Variants in SEPTIN11 observed in about 807,000 individuals in gnomAD.
SEPTIN11 encodes the protein septin 11.
In SEPTIN11, 25 loss-of-function variants were observed where a neutral mutation model predicts 51.4. That is an observed-to-expected ratio of 0.49 (90% CI 0.35 to 0.68). The LOEUF is 0.68. Among genes scored for constraint, SEPTIN11 ranks in the 30% least tolerant of loss-of-function variants. SEPTIN11 has a pLI of 0.00. For missense variants in SEPTIN11, 381 were observed against 520.8 expected, an observed-to-expected ratio of 0.73 and a Z score of 2.61; for synonymous variants, 174 against 184.1, an observed-to-expected ratio of 0.95 and a Z score of 0.44.
chr4:76,964,121 A>G (rs1350502289), intron 1 of SEPTIN11, among the ~76,000 whole-genome samples: 1 of 152,162 alleles, frequency 6.6e-6, no homozygotes, highest in Admixed American at 6.5e-5. Context: ...TGTCCCTACA[A>G]AGGACATGAA....
Position 76,949,948 on chromosome 4 carries a change from G to A in SEPTIN11, c.27+18G>A. Reference sequence around the variant, plus strand: ...GACCGTCTGTGAGTGCTGGGGCCTCGCCTGCTGCTCCTCGGGCGCCGGGTG... The same window carrying A: ...GACCGTCTGTGAGTGCTGGGGCCTCACCTGCTGCTCCTCGGGCGCCGGGTG... On this transcript the variant is annotated intron_variant, in intron 1 of 9. Transcript: ENST00000264893. 1 of 1,470,674 alleles carries A rather than the reference G, an allele frequency of 6.8e-7. No individual in the cohort carries two copies. 91.1% of individuals were successfully genotyped at this position (1,470,674 alleles called of 1,614,324 possible). A position where few individuals can be genotyped will look rare whatever the true frequency, so the allele number is the denominator to read the frequency against.
chr4:77,005,940 C>G, intron 3 of SEPTIN11, 144 bp downstream of exon 3: 1 of 701,432 alleles, frequency 1.4e-6, no homozygotes, highest in Non-Finnish European at 2.3e-6. Context: ...ATATTCTTGT[C>G]CTCTGAGAAT....
At chr4:77,032,858 A>G (rs137952927) in intron 9 of SEPTIN11, among the ~76,000 whole-genome samples, 81 of 152,250 alleles carry the variant, frequency 5.3e-4, no homozygotes, top group African/African-American at 1.6e-3. Flanking sequence ...TTCCCAGTGT[A>G]GGGAGGTTTT....
chr4:76,993,234 C>T (rs1167820865), intron 1 of SEPTIN11, among the ~76,000 whole-genome samples: 2 of 151,864 alleles, frequency 1.3e-5, no homozygotes, highest in African/African-American at 4.8e-5. Flanking sequence ...GGAGAAGGGG[C>T]GAGTTTGGGA....
intron 1 of SEPTIN11, among the ~76,000 whole-genome samples, chr4:76,954,848 G>A (rs1251762404): frequency 1.3e-5 from 2 of 152,222 alleles, no homozygotes; most frequent in Non-Finnish European, 2.9e-5. Flanking sequence ...AGGATGGAGT[G>A]TGAAACATTG....
At chr4:77,039,759 TGAGA>T (rs1255040177), downstream of SEPTIN11, 3 of 983,728 alleles carry the variant, frequency 3.0e-6, no homozygotes, top group African/African-American at 3.5e-5. Flanking sequence ...ATCTGCCTCT[TGAGA>T]GAGAGAGAAG....
At chr4:77,008,880 G>C (rs1724672082) in intron 3 of SEPTIN11, among the ~76,000 whole-genome samples, 1 of 152,190 alleles carries the variant, frequency 6.6e-6, no homozygotes, top group South Asian at 2.1e-4. Context: ...ATAAGTGTTA[G>C]TAGGAATGGG....
At chr4:76,980,175 A>G (rs748105280) in intron 1 of SEPTIN11, among the ~76,000 whole-genome samples, 1 of 152,180 alleles carries the variant, frequency 6.6e-6, no homozygotes, top group Non-Finnish European at 1.5e-5. Flanking sequence ...TACTCCCAGC[A>G]ACTTTAAACT....
intron 1 of SEPTIN11, among the ~76,000 whole-genome samples, chr4:76,963,569 G>A (rs1474027052): frequency 6.6e-6 from 1 of 152,232 alleles, no homozygotes; most frequent in Non-Finnish European, 1.5e-5. Context: ...GATGGAAAAT[G>A]TTCCACTATT....
At chr4:77,005,826 A>G in intron 3 of SEPTIN11, 30 bp downstream of exon 3, 1 of 1,595,728 alleles carries the variant, frequency 6.3e-7, no homozygotes, top group Non-Finnish European at 8.6e-7. Context: ...GGGGACATGA[A>G]TGGATGAGGA....
At chr4:76,961,056 C>T (rs747344031) in intron 1 of SEPTIN11, among the ~76,000 whole-genome samples, 9 of 152,156 alleles carry the variant, frequency 5.9e-5, no homozygotes, top group Non-Finnish European at 1.2e-4. Context: ...GGAGAAAAGG[C>T]TAAGACTCAG....
chr4:77,005,934 T>C (rs549845309), intron 3 of SEPTIN11, 138 bp downstream of exon 3: 3 of 726,408 alleles, frequency 4.1e-6, no homozygotes, highest in Non-Finnish European at 6.7e-6. Flanking sequence ...GGTGTGATAT[T>C]CTTGTCCTCT....
chr4:77,028,513 C>A, intron 7 of SEPTIN11, 116 bp from the exon 8 acceptor site: 1 of 1,165,510 alleles, frequency 8.6e-7, no homozygotes, highest in Non-Finnish European at 1.2e-6. Context: ...ATGCTTTGAT[C>A]TGGCAAGCAG....
intron 2 of SEPTIN11, among the ~76,000 whole-genome samples, chr4:77,002,716 C>G (rs1724200234): frequency 6.6e-6 from 1 of 151,314 alleles, no homozygotes; most frequent in Admixed American, 6.6e-5. Context: ...ACTTGTTAAA[C>G]TCTTTCAGGT....
At chr4:77,016,637 T>TATATATATATATATATACAC (rs1725304488) in intron 5 of SEPTIN11, among the ~76,000 whole-genome samples, 1 of 93,544 alleles carries the variant, frequency 1.1e-5, no homozygotes, top group African/African-American at 4.0e-5. Flanking sequence ...TATACACATA[T>TATATATATATATATATACAC]ATATATATAT....
At chr4:77,012,237 G>T (rs1166437027) in intron 4 of SEPTIN11, among the ~76,000 whole-genome samples, 1 of 151,760 alleles carries the variant, frequency 6.6e-6, no homozygotes, top group Non-Finnish European at 1.5e-5. Context: ...TCTAAAAGGT[G>T]TTTAGAGGTT....
intron 1 of SEPTIN11, chr4:76,958,860 A>T: frequency 6.7e-7 from 1 of 1,485,602 alleles, no homozygotes; most frequent in Non-Finnish European, 9.4e-7. Flanking sequence ...ACATGATTAG[A>T]CTAATTCATT....
chr4:76,954,429 A>G (rs558604036), intron 1 of SEPTIN11, among the ~76,000 whole-genome samples: 22 of 152,286 alleles, frequency 1.4e-4, no homozygotes, highest in African/African-American at 5.1e-4. Context: ...ACTTTTTTCC[A>G]AGGAGATCTA....
intron 5 of SEPTIN11, among the ~76,000 whole-genome samples, chr4:77,015,790 T>C (rs1459824375): frequency 6.6e-6 from 1 of 152,158 alleles, no homozygotes; most frequent in Non-Finnish European, 1.5e-5. Flanking sequence ...GGAAAGCAGA[T>C]TCTTCCCAGG....
Sources: allele counts gnomAD v4.1 joint callset (sites outside exome capture counted in the v4.1 genomes callset), GRCh38; gene constraint gnomAD v4.1.1; transcripts MANE v1.5; gene names NCBI Gene and HGNC (gene_info 2026-07-23, HGNC 2026-07-21).